CNTNAP5: variants seen among roughly 807,000 people sequenced by gnomAD.
CNTNAP5 encodes contactin-associated protein-like 5.
In CNTNAP5, 72 loss-of-function variants were observed where a neutral mutation model predicts 150.2. The observed-to-expected ratio is 0.48, with a 90% CI of 0.40 to 0.58. The LOEUF (loss-of-function observed/expected upper bound fraction) is 0.58. Among genes scored for constraint, CNTNAP5 ranks in the 20% least tolerant of loss-of-function variants. The pLI, the probability that CNTNAP5 is intolerant of heterozygous loss-of-function variation, is 0.00. For synonymous variants in CNTNAP5, 672 were observed against 619.8 expected (o/e 1.08, Z -1.25); for missense variants, 1,636 against 1,626.2 (o/e 1.01, Z -0.10).
At chr2:124,745,713 A>G (rs191338353) in intron 13 of CNTNAP5, among the ~76,000 whole-genome samples, 23 of 152,358 alleles carry the variant, frequency 1.5e-4, no homozygotes, top group Non-Finnish European at 2.9e-4. Flanking sequence ...AAGATGACAT[A>G]GGAATTGAAC....
chr2:124,314,385 T>A (rs750971927), intron 3 of CNTNAP5, among the ~76,000 whole-genome samples: 3 of 152,098 alleles, frequency 2.0e-5, no homozygotes, highest in Non-Finnish European at 4.4e-5. Flanking sequence ...CTCATTTGAA[T>A]CTCCGTAGTG....
intron 3 of CNTNAP5, among the ~76,000 whole-genome samples, chr2:124,387,433 G>C (rs138746378): frequency 1.0e-3 from 154 of 152,306 alleles, no homozygotes; most frequent in African/African-American, 3.5e-3. Context: ...ATTTCACCTG[G>C]GTGTAGGTGG....
chr2:124,155,075 G>A (rs958033314), intron 1 of CNTNAP5, among the ~76,000 whole-genome samples: 1 of 81,374 alleles, frequency 1.2e-5, no homozygotes, highest in East Asian at 3.5e-4. Context: ...AACCATTCCC[G>A]TTTTTTTTTT....
At chr2:124,255,757 C>T (rs1573870261) in intron 3 of CNTNAP5, among the ~76,000 whole-genome samples, 1 of 151,962 alleles carries the variant, frequency 6.6e-6, no homozygotes, top group African/African-American at 2.4e-5. Context: ...GGAATCCATG[C>T]CCCATTCCTG....
At chr2:124,515,051 C>T (rs1694677145) in intron 8 of CNTNAP5, among the ~76,000 whole-genome samples, 1 of 152,188 alleles carries the variant, frequency 6.6e-6, no homozygotes, top group African/African-American at 2.4e-5. Flanking sequence ...TAGCGGATGG[C>T]AAAGCCAGAT....
At chr2:124,465,291 G>T (rs914777793) in intron 6 of CNTNAP5, among the ~76,000 whole-genome samples, 1 of 152,144 alleles carries the variant, frequency 6.6e-6, no homozygotes, top group African/African-American at 2.4e-5. Flanking sequence ...CAAGTTACCA[G>T]ATGGACTATG....
At chr2:124,654,274 T>C (rs1678394254) in intron 13 of CNTNAP5, among the ~76,000 whole-genome samples, 1 of 152,210 alleles carries the variant, frequency 6.6e-6, no homozygotes, top group African/African-American at 2.4e-5. Context: ...TGGAAGATTT[T>C]AAGCAGAGGA....
chr2:124,031,646 C>G (rs1286781567), intron 1 of CNTNAP5, among the ~76,000 whole-genome samples: 1 of 152,090 alleles, frequency 6.6e-6, no homozygotes, highest in Non-Finnish European at 1.5e-5. Flanking sequence ...GGAAGCCTCT[C>G]CATCCACTGA....
intron 13 of CNTNAP5, among the ~76,000 whole-genome samples, chr2:124,654,597 C>A (rs998679370): frequency 1.3e-5 from 2 of 152,124 alleles, no homozygotes; most frequent in Non-Finnish European, 2.9e-5. Context: ...GGCTACTTCA[C>A]CCGCTATGTT....
chr2:124,405,722 T>A (rs1369675439), intron 3 of CNTNAP5, among the ~76,000 whole-genome samples: 3 of 152,242 alleles, frequency 2.0e-5, no homozygotes, highest in Non-Finnish European at 2.9e-5. Flanking sequence ...CTGGTTTCCA[T>A]CCTCAGAGCT....
intron 2 of CNTNAP5, among the ~76,000 whole-genome samples, chr2:124,225,207 ATGAGCCCTCAATGTTC>A (rs1378048098): frequency 6.6e-6 from 1 of 152,108 alleles, no homozygotes; most frequent in Non-Finnish European, 1.5e-5. Context: ...AGAACTTCCC[ATGAGCCCTCAATGTTC>A]TGAGCCCTTA....
At chr2:124,661,521 C>T (rs867315480) in intron 13 of CNTNAP5, among the ~76,000 whole-genome samples, 1 of 151,600 alleles carries the variant, frequency 6.6e-6, no homozygotes, top group Non-Finnish European at 1.5e-5. Flanking sequence ...TATAACAATG[C>T]CTTTTTCTGG....
chr2:124,201,960 T>C (rs1685738747), intron 1 of CNTNAP5, among the ~76,000 whole-genome samples: 1 of 152,164 alleles, frequency 6.6e-6, no homozygotes, highest in Admixed American at 6.5e-5. Context: ...TGCTTTGTCC[T>C]CGGCCCCTAA....
intron 3 of CNTNAP5, among the ~76,000 whole-genome samples, chr2:124,322,832 G>A (rs556415157): frequency 6.6e-6 from 1 of 152,254 alleles, no homozygotes; most frequent in African/African-American, 2.4e-5. Flanking sequence ...CTGTCTACTT[G>A]CAGTCCTCAT....
intron 13 of CNTNAP5, among the ~76,000 whole-genome samples, chr2:124,730,975 A>G (rs1278612847): frequency 2.0e-5 from 3 of 151,998 alleles, no homozygotes; most frequent in Admixed American, 6.6e-5. Context: ...AGTCTGTGTA[A>G]TTGCAAAGTT....
At chr2:124,540,692 A>G (rs1695360040) in intron 10 of CNTNAP5, among the ~76,000 whole-genome samples, 1 of 151,956 alleles carries the variant, frequency 6.6e-6, no homozygotes, top group Non-Finnish European at 1.5e-5. Context: ...TCATTCATTC[A>G]TTCATTCATT....
In CNTNAP5 at chr2:124,431,726, A is replaced by G. The variant is rs1022395609; in HGVS notation, c.530-2758A>G. Among the ~76,000 whole-genome samples the G allele has an allele frequency of 1.8e-4, 26 of 148,524 alleles. 1 individual carries two copies. Among genetic ancestry groups the G allele is most frequent in the African/African-American group, 6.1e-4 (25 of 40,894 alleles). On this transcript the variant is annotated intron_variant, in intron 4 of 23. Transcript: ENST00000682447. ...ATTTAATAAATAAATATTATATGTA[A>G]TATTTATTTATATAAATATTAATCC...
intron 21 of CNTNAP5, among the ~76,000 whole-genome samples, chr2:124,899,866 T>A (rs1320319774): frequency 6.6e-6 from 1 of 151,416 alleles, no homozygotes; most frequent in Non-Finnish European, 1.5e-5. Context: ...TAATACAGAG[T>A]TCAGTGAATT....
chr2:124,580,762 C>T (rs371270213), intron 11 of CNTNAP5, among the ~76,000 whole-genome samples: 96 of 152,244 alleles, frequency 6.3e-4, no homozygotes, highest in African/African-American at 2.1e-3. Flanking sequence ...TGTATCTGTT[C>T]GCCTTAACAA....
Sources: gnomAD v4.1 joint callset for allele counts (sites outside exome capture counted in the v4.1 genomes callset) on GRCh38, gnomAD v4.1.1 for gene constraint, MANE v1.5 for transcripts, NCBI Gene and HGNC (gene_info 2026-07-23, HGNC 2026-07-21) for gene names.